The following CFAP53 variants were observed in gnomAD, a reference collection of about 807,000 sequenced individuals.
The protein encoded by CFAP53 is cilia and flagella associated protein 53, also known as cilia- and flagella-associated protein 53.
In CFAP53, 62 loss-of-function variants were observed where a neutral mutation model predicts 59.7. That is an observed-to-expected ratio of 1.04 (90% CI 0.85 to 1.28). CFAP53 has a LOEUF of 1.28. Among genes scored for constraint, CFAP53 ranks in the 50% most tolerant of loss-of-function variants. The pLI is 0.00. For missense variants in CFAP53, 629 were observed against 615.6 expected (o/e 1.02, Z -0.23); for synonymous variants, 218 against 205.7 (o/e 1.06, Z -0.51).
At position 50,251,533 on chromosome 18, in the gene CFAP53, T is replaced by C. The variant is rs1489672816; in HGVS notation, c.725A>G (p.Lys242Arg). ...CAGCTGTGTCGCCTGCCTTTGTGCC[T>C]TGATGCTGGTGATCTGGGCATTCAG... ...LGLNAQITSIKAQRQATQLLK... is the reference protein window; with the variant it reads ...LGLNAQITSIRAQRQATQLLK... The change falls in exon 4 of 8, where the codon AAG (lysine) becomes AGG (arginine). Residue 242 changes from lysine to arginine, a missense_variant. By Grantham distance (26) the Lys-to-Arg change is conservative. Coordinates refer to ENST00000398545, the MANE Select transcript of CFAP53 (RefSeq NM_145020.5). 6.2e-7 allele frequency: 1 copy of C among 1,614,164 alleles called. No homozygotes were observed.
intron 1 of CFAP53, among the ~76,000 whole-genome samples, chr18:50,264,456 T>C (rs147108516): frequency 1.3e-5 from 2 of 152,220 alleles, no homozygotes; most frequent in Admixed American, 6.5e-5. Context: ...ACCTGTCAAA[T>C]GAGCAAAATA....
intron 3 of CFAP53, among the ~76,000 whole-genome samples, chr18:50,259,492 T>C (rs1370781311): frequency 1.4e-5 from 2 of 147,220 alleles, no homozygotes; most frequent in Admixed American, 6.8e-5. Flanking sequence ...GGACAGTTAA[T>C]GGGTACCAAA....
chr18:50,234,435 C>T (rs1191167042), intron 7 of CFAP53, among the ~76,000 whole-genome samples: 1 of 152,156 alleles, frequency 6.6e-6, no homozygotes, highest in African/African-American at 2.4e-5. Context: ...CTCCCTTATG[C>T]ATGAATGACT....
At position 50,243,048 on chromosome 18, in the gene CFAP53, A is replaced by G; in HGVS notation, c.1065T>C (p.Ala355=). Reference sequence around the variant, plus strand: ...ATATTCTGTCAAATTCTTTCTCCTGAGCTTTTTCTTCCTCACGTCTCTGTG... The same window carrying G: ...ATATTCTGTCAAATTCTTTCTCCTGGGCTTTTTCTTCCTCACGTCTCTGTG... ...YLAQRREEEK[A]QEKEFDRILE... The change falls in exon 6 of 8, where the codon GCT becomes GCC. Residue 355 remains alanine (A), a synonymous_variant. Coordinates refer to ENST00000398545, the MANE Select transcript of CFAP53 (RefSeq NM_145020.5). The G allele has an allele frequency of 6.2e-7, 1 of 1,613,620 alleles. No homozygotes were observed. The highest frequency in any genetic ancestry group is 8.5e-7 in the Non-Finnish European group (1 of 1,179,918).
chr18:50,240,807 G>A (rs2033683547), intron 6 of CFAP53, among the ~76,000 whole-genome samples: 1 of 152,194 alleles, frequency 6.6e-6, no homozygotes, highest in Non-Finnish European at 1.5e-5. Flanking sequence ...ACCAGGATGA[G>A]CTTCCTCTTG....
At chr18:50,247,453 G>GA (rs1357595528) in intron 5 of CFAP53, among the ~76,000 whole-genome samples, 10 of 152,138 alleles carry the variant, frequency 6.6e-5, no homozygotes, top group Non-Finnish European at 1.0e-4. Context: ...ACTACTTCTA[G>GA]ATACATGCCC....
chr18:50,253,960 A>AT (rs1471851171), intron 3 of CFAP53, among the ~76,000 whole-genome samples: 1 of 152,194 alleles, frequency 6.6e-6, no homozygotes, highest in Admixed American at 6.5e-5. Flanking sequence ...ACCATGTATA[A>AT]TTACAGGGCA....
At chr18:50,266,249 G>A in intron 1 of CFAP53, 87 bp downstream of exon 1, 2 of 1,288,602 alleles carry the variant, frequency 1.6e-6, no homozygotes, top group Non-Finnish European at 2.2e-6. Flanking sequence ...GAAGGCCCCG[G>A]GTGGGGGCCG....
chr18:50,260,319 T>A (rs1049283635), intron 3 of CFAP53, among the ~76,000 whole-genome samples: 3 of 152,006 alleles, frequency 2.0e-5, no homozygotes, highest in African/African-American at 7.2e-5. Flanking sequence ...GTCCAGGTGA[T>A]CAGACCCCAG....
chr18:50,250,402 T>C (rs914610996), intron 5 of CFAP53, among the ~76,000 whole-genome samples: 1 of 152,220 alleles, frequency 6.6e-6, no homozygotes, highest in Non-Finnish European at 1.5e-5. Context: ...CTTTCCCTTC[T>C]CTTTTTGCCT....
chr18:50,235,913 C>A (rs1283869531), intron 7 of CFAP53, among the ~76,000 whole-genome samples: 1 of 152,198 alleles, frequency 6.6e-6, no homozygotes, highest in Non-Finnish European at 1.5e-5. Flanking sequence ...GACCTTCATC[C>A]ACATGCCAAA....
intron 1 of CFAP53, among the ~76,000 whole-genome samples, chr18:50,263,610 T>C (rs2033913801): frequency 6.6e-6 from 1 of 152,204 alleles, no homozygotes; most frequent in African/African-American, 2.4e-5. Flanking sequence ...AGATGACTGT[T>C]CTCCAATACA....
intron 7 of CFAP53, 122 bp downstream of exon 7, chr18:50,238,481 G>T: frequency 1.7e-6 from 1 of 605,028 alleles, no homozygotes; most frequent in Non-Finnish European, 2.9e-6. Context: ...CAAACTCCTG[G>T]CTTCAAGCAA....
At chr18:50,247,868 G>C (rs768078885) in intron 5 of CFAP53, among the ~76,000 whole-genome samples, 1 of 152,198 alleles carries the variant, frequency 6.6e-6, no homozygotes, top group Non-Finnish European at 1.5e-5. Flanking sequence ...TGTGATGACA[G>C]CTGCACATAT....
At chr18:50,249,235 A>T (rs2033775312) in intron 5 of CFAP53, among the ~76,000 whole-genome samples, 1 of 146,140 alleles carries the variant, frequency 6.8e-6, no homozygotes, top group African/African-American at 2.5e-5. Context: ...AATAAAAAGA[A>T]GGCTGGGTGC....
In CFAP53 at chr18:50,253,770, T is replaced by C. The variant is rs543649440; in HGVS notation, c.474-1986A>G. Among the ~76,000 whole-genome samples the C allele has an allele frequency of 2.0e-5, 3 of 152,310 alleles. No homozygotes were observed. In the South Asian group the frequency reaches 6.2e-4, roughly 32 times the overall value. On this transcript the variant is annotated intron_variant, in intron 3 of 7. Coordinates refer to ENST00000398545, the MANE Select transcript of CFAP53 (RefSeq NM_145020.5). ...AGAACTGGGACTGAAGAGCTGGCAG[T>C]GTGGCCCTGGAGTCTGGATTCTTTG...
chr18:50,246,484 A>G (rs1420629669), intron 5 of CFAP53, among the ~76,000 whole-genome samples: 2 of 152,258 alleles, frequency 1.3e-5, no homozygotes, highest in African/African-American at 4.8e-5. Flanking sequence ...AAATGGATCA[A>G]AAGCCTAAAT....
intron 6 of CFAP53, among the ~76,000 whole-genome samples, chr18:50,242,374 T>C (rs1199494849): frequency 2.6e-5 from 4 of 152,192 alleles, no homozygotes; most frequent in Non-Finnish European, 4.4e-5. Flanking sequence ...AACTAATAAA[T>C]GTCCATGAAA....
At chr18:50,249,179 G>C (rs1350992220) in intron 5 of CFAP53, among the ~76,000 whole-genome samples, 1 of 135,954 alleles carries the variant, frequency 7.4e-6, no homozygotes, top group African/African-American at 2.8e-5. Flanking sequence ...CTCCAGCCTG[G>C]GCAACAAGAG....
Sources: gnomAD v4.1 joint callset for allele counts (sites outside exome capture counted in the v4.1 genomes callset) on GRCh38, gnomAD v4.1.1 for gene constraint, MANE v1.5 for transcripts, NCBI Gene and HGNC (gene_info 2026-07-23, HGNC 2026-07-21) for gene names.